The following ANKS1B variants were observed in gnomAD, a reference collection of about 807,000 sequenced individuals.
ANKS1B encodes ankyrin repeat and sterile alpha motif domain containing 1B.
ANKS1B carries 36 observed loss-of-function variants against 148.3 expected under a neutral mutation model. That is an observed-to-expected ratio of 0.24 (90% CI 0.19 to 0.32). The LOEUF (loss-of-function observed/expected upper bound fraction) is 0.32. Ranked by LOEUF, ANKS1B falls within the 10% of genes least tolerant of loss-of-function variation. The pLI is 1.00. For missense variants in ANKS1B, 1,157 were observed against 1,542.6 expected (o/e 0.75, Z 4.19); for synonymous variants, 542 against 560.8 (o/e 0.97, Z 0.47).
intron 17 of ANKS1B, among the ~76,000 whole-genome samples, chr12:98,976,202 C>T (rs116553213): frequency 6.6e-6 from 1 of 152,202 alleles, no homozygotes; most frequent in East Asian, 1.9e-4. Flanking sequence ...AGCTGAGGAA[C>T]TAATTCCTAA....
chr12:99,623,219 A>G (rs565430262), intron 9 of ANKS1B, among the ~76,000 whole-genome samples: 5 of 152,054 alleles, frequency 3.3e-5, no homozygotes, highest in South Asian at 4.1e-4. Flanking sequence ...TGATTAAAAA[A>G]AAATCCATCA....
chr12:99,963,244 G>T (rs1447113851), intron 1 of ANKS1B, among the ~76,000 whole-genome samples: 8 of 152,130 alleles, frequency 5.3e-5, no homozygotes, highest in African/African-American at 1.9e-4. Context: ...GTAAATTCTG[G>T]CTATTAGACC....
At chr12:98,875,089 C>T (rs960550420) in intron 17 of ANKS1B, among the ~76,000 whole-genome samples, 2 of 152,174 alleles carry the variant, frequency 1.3e-5, no homozygotes, top group Non-Finnish European at 2.9e-5. Flanking sequence ...TAGAAACTAC[C>T]CTTCTTCATC....
chr12:99,046,223 A>G (rs2099962249), intron 17 of ANKS1B, among the ~76,000 whole-genome samples: 1 of 152,200 alleles, frequency 6.6e-6, no homozygotes, highest in Non-Finnish European at 1.5e-5. Flanking sequence ...AAGACTATTC[A>G]AAGAATTTTC....
At chr12:98,966,882 C>T (rs1211592015) in intron 17 of ANKS1B, among the ~76,000 whole-genome samples, 5 of 124,670 alleles carry the variant, frequency 4.0e-5, no homozygotes, top group Non-Finnish European at 8.0e-5. Context: ...CACACCGGGG[C>T]CTGTCGTGGG....
chr12:99,869,291 G>C (rs2153725971), intron 1 of ANKS1B, among the ~76,000 whole-genome samples: 1 of 152,220 alleles, frequency 6.6e-6, no homozygotes, highest in Middle Eastern at 3.4e-3. Flanking sequence ...CAGACAACTA[G>C]AATAATTAAG....
intron 14 of ANKS1B, among the ~76,000 whole-genome samples, chr12:99,184,587 T>A (rs1198384806): frequency 6.6e-6 from 1 of 152,230 alleles, no homozygotes; most frequent in Non-Finnish European, 1.5e-5. Context: ...TTTTGTCTAT[T>A]TCAAAATATC....
intron 1 of ANKS1B, among the ~76,000 whole-genome samples, chr12:99,835,882 T>C (rs1010012028): frequency 6.6e-6 from 1 of 152,172 alleles, no homozygotes; most frequent in African/African-American, 2.4e-5. Context: ...TAGCACACGT[T>C]TACCTATGTA....
chr12:98,844,250 CCT>C (rs1240945239), intron 17 of ANKS1B, among the ~76,000 whole-genome samples: 1 of 152,162 alleles, frequency 6.6e-6, no homozygotes, highest in African/African-American at 2.4e-5. Context: ...ACAGTATTCG[CCT>C]CTTAGTGTAA....
intron 17 of ANKS1B, among the ~76,000 whole-genome samples, chr12:98,998,680 A>C (rs944889109): frequency 1.3e-5 from 2 of 152,250 alleles, no homozygotes. Context: ...TATGTAAAAA[A>C]GAGGCAGAAA....
chr12:99,585,428 C>T (rs1326752351), intron 9 of ANKS1B, among the ~76,000 whole-genome samples: 3 of 152,164 alleles, frequency 2.0e-5, no homozygotes, highest in Non-Finnish European at 4.4e-5. Context: ...CTTTCACAGG[C>T]CAGCATTGAG....
At chr12:99,465,877 A>C (rs2096098182) in intron 10 of ANKS1B, among the ~76,000 whole-genome samples, 1 of 152,190 alleles carries the variant, frequency 6.6e-6, no homozygotes, top group African/African-American at 2.4e-5. Context: ...AACATTAGAC[A>C]GATCAACGAG....
At chr12:99,217,636 T>C (rs1027965741) in intron 14 of ANKS1B, among the ~76,000 whole-genome samples, 1 of 152,150 alleles carries the variant, frequency 6.6e-6, no homozygotes, top group African/African-American at 2.4e-5. Flanking sequence ...CTGGTCCCTT[T>C]TCTCAATCTC....
intron 8 of ANKS1B, among the ~76,000 whole-genome samples, chr12:99,681,344 T>C (rs2098615538): frequency 6.6e-6 from 1 of 152,160 alleles, no homozygotes; most frequent in East Asian, 1.9e-4. Context: ...CCTGAGTCTG[T>C]CCATGTGACA....
intron 15 of ANKS1B, among the ~76,000 whole-genome samples, chr12:99,094,381 A>G (rs2153656256): frequency 6.6e-6 from 1 of 152,356 alleles, no homozygotes; most frequent in Admixed American, 6.5e-5. Context: ...ATCCTTATTT[A>G]CAGATAATAG....
At chr12:99,858,308 G>C (rs1316613952) in intron 1 of ANKS1B, among the ~76,000 whole-genome samples, 3 of 152,138 alleles carry the variant, frequency 2.0e-5, no homozygotes, top group Admixed American at 1.3e-4. Context: ...CTAATGACCA[G>C]AGAAATGCAA....
intron 1 of ANKS1B, among the ~76,000 whole-genome samples, chr12:99,936,918 T>C (rs953063255): frequency 6.6e-5 from 10 of 152,196 alleles, no homozygotes; most frequent in Admixed American, 2.6e-4. Context: ...TGAATGACTA[T>C]AGATTTTTTA....
chr12:99,492,570 A>G (rs557174601), intron 10 of ANKS1B, among the ~76,000 whole-genome samples: 1 of 152,314 alleles, frequency 6.6e-6, no homozygotes, highest in African/African-American at 2.4e-5. Context: ...TCATCCTGAT[A>G]CTAAAACCTG....
chr12:98,749,667 C>T (rs1381161904), intron 26 of ANKS1B, among the ~76,000 whole-genome samples: 1 of 151,936 alleles, frequency 6.6e-6, no homozygotes, highest in Non-Finnish European at 1.5e-5. Flanking sequence ...TAGGAGTGAG[C>T]ATTACATAGT....
Sources: allele counts gnomAD v4.1 joint callset (sites outside exome capture counted in the v4.1 genomes callset), GRCh38; gene constraint gnomAD v4.1.1; transcripts MANE v1.5; gene names NCBI Gene and HGNC (gene_info 2026-07-23, HGNC 2026-07-21).